FBXO30: variants seen among roughly 807,000 people sequenced by gnomAD.
The protein encoded by FBXO30 is F-box protein 30.
FBXO30 carries 21 observed loss-of-function variants against 58.1 expected under a neutral mutation model. That is an observed-to-expected ratio of 0.36 (90% CI 0.26 to 0.52). The LOEUF (loss-of-function observed/expected upper bound fraction) is 0.52. FBXO30 is among the 20% of genes least tolerant of loss of function. The probability of loss-of-function intolerance (pLI) is 0.93; values close to 1 mark genes in which losing one functional copy is unlikely to be tolerated. For synonymous variants in FBXO30, 309 were observed against 312.4 expected (o/e 0.99, Z 0.11); for missense variants, 744 against 897.3 (o/e 0.83, Z 2.18).
intron 1 of FBXO30, among the ~76,000 whole-genome samples, chr6:145,810,993 T>A (rs1011575648): frequency 2.0e-5 from 3 of 152,168 alleles, no homozygotes; most frequent in Non-Finnish European, 4.4e-5. Flanking sequence ...GATCCCATAT[T>A]GTGTGTACTC....
At position 145,798,405 on chromosome 6, in the gene FBXO30, C is replaced by CT. The variant is rs1777907766; in HGVS notation, c.*1700dup. ...AAACAATGAATTTTAAAAAGCATAA[C>CT]TATAAAACAAAAGTTAATGCTTGTG... On this transcript the variant is annotated 3_prime_UTR_variant, in exon 3 of 3. Transcript: ENST00000237281. The CT allele has an allele frequency of 6.6e-6, 1 of 152,354 alleles. No individual in the cohort carries two copies. The highest frequency in any genetic ancestry group is 1.5e-5 in the Non-Finnish European group (1 of 67,908). 9.4% of individuals were successfully genotyped at this position (152,354 alleles called of 1,614,324 possible).
chr6:145,801,785 T>C (rs1248769364), intron 2 of FBXO30, among the ~76,000 whole-genome samples: 1 of 152,076 alleles, frequency 6.6e-6, no homozygotes, highest in Non-Finnish European at 1.5e-5. Flanking sequence ...TCCCTTACCA[T>C]TCCCCATGCT....
At position 145,799,752 on chromosome 6, in the gene FBXO30, G is replaced by T. The variant is rs1777940628; in HGVS notation, c.*354C>A. Reference sequence around the variant, plus strand: ...AAAATTTTGCTTTTTGATTGCATGGGTCGCAACCCACAGAAAACAACAAAT... The same window carrying T: ...AAAATTTTGCTTTTTGATTGCATGGTTCGCAACCCACAGAAAACAACAAAT... On this transcript the variant is annotated 3_prime_UTR_variant, in exon 3 of 3. Coordinates refer to ENST00000237281, the MANE Select transcript of FBXO30 (RefSeq NM_032145.5). 6.3e-6 allele frequency: 1 copy of T among 159,334 alleles called. No homozygotes were observed. The highest frequency in any genetic ancestry group is 6.4e-5 in the Admixed American group (1 of 15,640). The allele number at this position is 159,334 out of a possible 1,614,324, so 9.9% of individuals were successfully genotyped here. A position where few individuals can be genotyped will look rare whatever the true frequency, so the allele number is the denominator to read the frequency against.
At position 145,804,608 on chromosome 6, in the gene FBXO30, G is replaced by A. The variant is rs1341866316; in HGVS notation, c.1798C>T (p.Pro600Ser). 15 of 1,613,588 alleles carry A rather than the reference G, an allele frequency of 9.3e-6. No individual in the cohort carries two copies. The highest frequency in any genetic ancestry group is 1.3e-5 in the Non-Finnish European group (15 of 1,179,826). The change falls in exon 2 of 3, where the codon CCT becomes TCT. Residue 600 changes from proline to serine, a missense_variant. This residue lies in a region of FBXO30 where 334 missense variants were observed against 433.7 expected (regional missense o/e 0.77). Transcript: ENST00000237281. Reference protein sequence around the residue: ...QPCVSTVLVEPARNCVLGLHN... With the variant: ...QPCVSTVLVESARNCVLGLHN... ...AATCCCAACACACAGTTTCTAGCAG[G>A]CTCCACTAATACTGTAGATACACAT...
chr6:145,808,815 G>T (rs889067722), intron 1 of FBXO30, among the ~76,000 whole-genome samples: 4 of 152,178 alleles, frequency 2.6e-5, no homozygotes, highest in Non-Finnish European at 4.4e-5. Context: ...GTGCGTAAGA[G>T]ATTATTAACT....
Position 145,799,925 on chromosome 6 carries a change from A to G in FBXO30, c.*181T>C. 2.1e-6 allele frequency: 1 copy of G among 478,756 alleles called. No homozygotes were observed. The highest frequency in any genetic ancestry group is 3.6e-5 in the East Asian group (1 of 27,408). The allele number at this position is 478,756 out of a possible 1,614,324, so 29.7% of individuals were successfully genotyped here. On this transcript the variant is annotated 3_prime_UTR_variant, in exon 3 of 3. Coordinates refer to ENST00000237281, the MANE Select transcript of FBXO30 (RefSeq NM_032145.5). Reference sequence around the variant, plus strand: ...TCCAAAAATTTCACACATTTCAAACATTAAGGCAACTTTTTCCAACTAAAC... The same window carrying G: ...TCCAAAAATTTCACACATTTCAAACGTTAAGGCAACTTTTTCCAACTAAAC...
chr6:145,800,197 TC>T lies in FBXO30; in HGVS notation c.2146del (p.Glu716ArgfsTer11). ...KCSYNVVEKR[E>X]EAIPLPCMCV... ...CATACATGGCAAAGGGATTGCTTCC[TC>T]CCGTTTCTCGACAACATTGTAACTG... On this transcript the variant is annotated frameshift_variant, in exon 3 of 3. Coordinates refer to ENST00000237281, the MANE Select transcript of FBXO30 (RefSeq NM_032145.5). LOFTEE classifies it high-confidence loss of function. 6.2e-7 allele frequency: 1 copy of T among 1,613,190 alleles called. No homozygotes were observed. Among genetic ancestry groups the T allele is most frequent in the Non-Finnish European group, 8.5e-7 (1 of 1,179,374 alleles).
At chr6:145,808,391 A>G (rs1778242854) in intron 1 of FBXO30, among the ~76,000 whole-genome samples, 1 of 152,134 alleles carries the variant, frequency 6.6e-6, no homozygotes, top group Non-Finnish European at 1.5e-5. Flanking sequence ...TTGTATCCTG[A>G]TGATGACTAA....
intron 1 of FBXO30, among the ~76,000 whole-genome samples, chr6:145,813,875 A>G (rs1489408774): frequency 6.6e-6 from 1 of 152,154 alleles, no homozygotes; most frequent in African/African-American, 2.4e-5. Context: ...GTACTAGGAC[A>G]TTGGTAAACA....
rs2128663228 is a variant in FBXO30, at chr6:145,794,955, A to C, written c.*5151T>G. ...ATGACAATATGGAAAAGAAGATTTC[A>C]ACACAAAAAAAAATTCTAGGACAGC... On this transcript the variant is annotated 3_prime_UTR_variant, in exon 3 of 3. Transcript: ENST00000237281. 1 of 151,938 alleles carries C rather than the reference A, an allele frequency of 6.6e-6. No homozygotes were observed. Among genetic ancestry groups the C allele is most frequent in the East Asian group, 1.9e-4 (1 of 5,182 alleles). The allele number at this position is 151,938 out of a possible 1,614,324, so 9.4% of individuals were successfully genotyped here.
At chr6:145,804,228 C>T in intron 2 of FBXO30, 144 bp downstream of exon 2, 1 of 671,136 alleles carries the variant, frequency 1.5e-6, no homozygotes. Flanking sequence ...TATTAATTAC[C>T]ATTAAGAAAA....
intron 1 of FBXO30, among the ~76,000 whole-genome samples, chr6:145,808,731 A>G (rs1778252510): frequency 6.6e-6 from 1 of 152,172 alleles, no homozygotes; most frequent in Admixed American, 6.5e-5. Flanking sequence ...AACATTTCCA[A>G]AATTAAATTA....
At chr6:145,807,164 A>G (rs1430184852) in intron 1 of FBXO30, among the ~76,000 whole-genome samples, 2 of 152,202 alleles carry the variant, frequency 1.3e-5, no homozygotes, top group Non-Finnish European at 2.9e-5. Context: ...GTGGCAATAT[A>G]AAGATTAGCA....
chr6:145,804,372 C>A lies in FBXO30; in HGVS notation c.2034G>T (p.Lys678Asn), dbSNP rs1411784444. Residue 678 changes from lysine to asparagine, a missense_variant and splice_region_variant, in exon 2 of 3, where the codon AAG becomes AAT. Around this residue, in one of 3 missense-constraint regions of FBXO30, gnomAD observed 334 missense variants for 433.7 expected, o/e 0.77. Coordinates refer to ENST00000237281, the MANE Select transcript of FBXO30 (RefSeq NM_032145.5). ...AAGAGGTTGTAAAGATTACACTAAC[C>A]TTTTCTTTTATCTGCCATGATGAAT... Reference protein sequence around the residue: ...EGNSSWQIKEKVWRFSTAFCS... With the variant: ...EGNSSWQIKENVWRFSTAFCS... 1 of 1,608,844 alleles carries A rather than the reference C, an allele frequency of 6.2e-7. No homozygotes were observed. Among genetic ancestry groups the A allele is most frequent in the Non-Finnish European group, 8.5e-7 (1 of 1,177,546 alleles).
At position 145,804,596 on chromosome 6, in the gene FBXO30, A is replaced by G; in HGVS notation, c.1810T>C (p.Cys604Arg). ...TGGTCATTATGTAATCCCAACACAC[A>G]GTTTCTAGCAGGCTCCACTAATACT... ...STVLVEPARN[C>R]VLGLHNDHLS... Residue 604 changes from cysteine to arginine, a missense_variant, in exon 2 of 3, where the codon TGT becomes CGT. Coordinates refer to ENST00000237281, the MANE Select transcript of FBXO30 (RefSeq NM_032145.5). The G allele has an allele frequency of 6.2e-7, 1 of 1,613,806 alleles. No individual in the cohort carries two copies. Among genetic ancestry groups the G allele is most frequent in the Non-Finnish European group, 8.5e-7 (1 of 1,179,858 alleles).
At chr6:145,807,102 A>C (rs144519067) in intron 1 of FBXO30, among the ~76,000 whole-genome samples, 38 of 152,338 alleles carry the variant, frequency 2.5e-4, no homozygotes, top group African/African-American at 5.5e-4. Context: ...ACATTCATTC[A>C]TTAAATGCCT....
Position 145,793,552 on chromosome 6 carries a change from T to C in FBXO30, c.*6554A>G, listed in dbSNP as rs973519312. 1 of 152,088 alleles carries C rather than the reference T, an allele frequency of 6.6e-6. No homozygotes were observed. Among genetic ancestry groups the C allele is most frequent in the African/African-American group, 2.4e-5 (1 of 41,452 alleles). The allele number at this position is 152,088 out of a possible 1,614,324, so 9.4% of individuals were successfully genotyped here. A position where few individuals can be genotyped will look rare whatever the true frequency, so the allele number is the denominator to read the frequency against. ...CTTACTCTAATACAACAAGTTGCAT[T>C]TGTTCTTTAAAAGAAACAAAGTATA... On this transcript the variant is annotated 3_prime_UTR_variant, in exon 3 of 3. Transcript: ENST00000237281.
In FBXO30 at chr6:145,797,054, G is replaced by T. The variant is rs542603479; in HGVS notation, c.*3052C>A. ...TTTTGTAGGATTTAATCCAATATTT[G>T]TCTACTTCTACTCTTTGATTACCCT... On this transcript the variant is annotated 3_prime_UTR_variant, in exon 3 of 3. Transcript: ENST00000237281. 2.0e-5 allele frequency: 3 copies of T among 151,680 alleles called. No homozygotes were observed. The highest frequency in any genetic ancestry group is 2.0e-4 in the East Asian group (1 of 5,126). 9.4% of individuals were successfully genotyped at this position (151,680 alleles called of 1,614,324 possible).
At position 145,796,735 on chromosome 6, in the gene FBXO30, G is replaced by T. The variant is rs1317108288; in HGVS notation, c.*3371C>A. ...TGCAAAACATGAAGAAATCTGTTTT[G>T]CTTCCAAACACCTAAAACTAGTCAA... On this transcript the variant is annotated 3_prime_UTR_variant, in exon 3 of 3. Transcript: ENST00000237281. 3 of 152,032 alleles carry T rather than the reference G, an allele frequency of 2.0e-5. No individual in the cohort carries two copies. The East Asian group carries it at 5.8e-4, about 29-fold the overall frequency. The allele number at this position is 152,032 out of a possible 1,614,324, so 9.4% of individuals were successfully genotyped here.
Sources: allele counts gnomAD v4.1 joint callset (sites outside exome capture counted in the v4.1 genomes callset), GRCh38; gene constraint gnomAD v4.1.1; regional missense constraint gnomAD v4.1.1; transcripts MANE v1.5; gene names NCBI Gene and HGNC (gene_info 2026-07-23, HGNC 2026-07-21).